CACNG8: variants seen among roughly 807,000 people sequenced by gnomAD.
CACNG8 encodes calcium voltage-gated channel auxiliary subunit gamma 8, also known as voltage-dependent calcium channel gamma-8 subunit.
A neutral mutation model predicts 26.9 loss-of-function variants in CACNG8; 5 were observed. That is an observed-to-expected ratio of 0.19 (90% confidence interval 0.10 to 0.39). The LOEUF (loss-of-function observed/expected upper bound fraction) is 0.39, where lower values mean the gene tolerates loss of function less well. Among genes scored for constraint, CACNG8 ranks in the 10% least tolerant of loss-of-function variants. The pLI, the probability that CACNG8 is intolerant of heterozygous loss-of-function variation, is 1.00. For synonymous variants in CACNG8, 321 were observed against 296.7 expected, an observed-to-expected ratio of 1.08 and a Z score of -0.84; for missense variants, 473 against 609.4, an observed-to-expected ratio of 0.78 and a Z score of 2.36.
At position 53,982,557 on chromosome 19, in the gene CACNG8, GCGGCGGCGCCGTGGGGGCGTT is replaced by G. The variant is rs1318710963; in HGVS notation, c.996_1016del (p.Val333_Ala339del). 2 of 1,175,344 alleles carry G rather than the reference GCGGCGGCGCCGTGGGGGCGTT, an allele frequency of 1.7e-6. No homozygotes were observed. The highest frequency in any genetic ancestry group is 2.1e-6 in the Non-Finnish European group (2 of 952,926). 72.8% of individuals were successfully genotyped at this position (1,175,344 alleles called of 1,614,324 possible). A position where few individuals can be genotyped will look rare whatever the true frequency, so the allele number is the denominator to read the frequency against. On this transcript the variant is annotated inframe_deletion, in exon 4 of 4. Coordinates refer to ENST00000270458, the MANE Select transcript of CACNG8 (RefSeq NM_031895.6). The surrounding 1 kb of genome is among the most constrained non-coding windows in gnomAD (Gnocchi z 8.4). ...GGGCTGGCGGGGGCCGGCGGCGGCG[GCGGCGGCGCCGTGGGGGCGTT>G]CGGCGGCGCGGCCGGGGGCGCCGGG...
chr19:53,977,056 G>A (rs1237699045), intron 1 of CACNG8, among the ~76,000 whole-genome samples: 1 of 152,208 alleles, frequency 6.6e-6, no homozygotes, highest in Admixed American at 6.5e-5. Flanking sequence ...GGACTCCCAT[G>A]CCCTACCCCC....
At chr19:53,976,140 T>G (rs1377051578) in intron 1 of CACNG8, among the ~76,000 whole-genome samples, 1 of 150,872 alleles carries the variant, frequency 6.6e-6, no homozygotes, top group Non-Finnish European at 1.5e-5. Flanking sequence ...AAGTCAGGAG[T>G]TCAAGACCAG....
intron 1 of CACNG8, among the ~76,000 whole-genome samples, chr19:53,969,638 G>A (rs1241723238): frequency 1.3e-5 from 2 of 152,028 alleles, no homozygotes; most frequent in Non-Finnish European, 2.9e-5. Context: ...TCAGCCCATC[G>A]GGGCTCCAGG....
At position 53,984,080 on chromosome 19, in the gene CACNG8, A is replaced by G. The variant is rs538080383; in HGVS notation, c.*1231A>G. 1.3e-5 allele frequency: 2 copies of G among 152,318 alleles called. No homozygotes were observed. Among genetic ancestry groups the G allele is most frequent in the South Asian group, 4.2e-4 (2 of 4,812 alleles). 9.4% of individuals were successfully genotyped at this position (152,318 alleles called of 1,614,324 possible). ...ATGGGCACGGGCCCTTGGAGCTCAC[A>G]CTCTTGTGGGAGGAAGCACGTAATT... On this transcript the variant is annotated 3_prime_UTR_variant, in exon 4 of 4. Coordinates refer to ENST00000270458, the MANE Select transcript of CACNG8 (RefSeq NM_031895.6).
chr19:53,982,747 G>C lies in CACNG8; in HGVS notation c.1176G>C (p.Ala392=). The C allele has an allele frequency of 1.7e-6, 2 of 1,200,576 alleles. No homozygotes were observed. Among genetic ancestry groups the C allele is most frequent in the Non-Finnish European group, 2.1e-6 (2 of 972,864 alleles). The allele number at this position is 1,200,576 out of a possible 1,614,324, so 74.4% of individuals were successfully genotyped here. A position where few individuals can be genotyped will look rare whatever the true frequency, so the allele number is the denominator to read the frequency against. ...TCACCGGGCCGCCCGCCCCGCCCGC[G>C]CCCGCGCCACCCGCGCCCTCTGCGC... The change falls in exon 4 of 4, where the codon GCG becomes GCC. Residue 392 remains alanine, a synonymous_variant. Coordinates refer to ENST00000270458, the MANE Select transcript of CACNG8 (RefSeq NM_031895.6). This position sits in a 1 kb window ranked among gnomAD's most constrained non-coding sequence, Gnocchi z 8.4.
In CACNG8 at chr19:53,982,496, C is replaced by T. The variant is rs1267759879; in HGVS notation, c.925C>T (p.Leu309Phe). 6.7e-7 allele frequency: 1 copy of T among 1,492,146 alleles called. No homozygotes were observed. Among genetic ancestry groups the T allele is most frequent in the African/African-American group, 1.5e-5 (1 of 68,376 alleles). The allele number at this position is 1,492,146 out of a possible 1,614,324, so 92.4% of individuals were successfully genotyped here. Reference sequence around the variant, plus strand: ...CTCCACGGACATCTCCATGTACACGCTCAGCCGCGACCCCTCCAAGGGCAG... The same window carrying T: ...CTCCACGGACATCTCCATGTACACGTTCAGCCGCGACCCCTCCAAGGGCAG... The change falls in exon 4 of 4, where the codon CTC becomes TTC. Residue 309 changes from leucine (L) to phenylalanine (F), a missense_variant. By Grantham distance (22) the Leu-to-Phe change is conservative (BLOSUM62 0). Around this residue, in one of 6 missense-constraint regions of CACNG8, gnomAD observed 212 missense variants for 214.4 expected, o/e 0.99. Transcript: ENST00000270458. The surrounding 1 kb of genome is among the most constrained non-coding windows in gnomAD (Gnocchi z 8.4).
intron 1 of CACNG8, among the ~76,000 whole-genome samples, chr19:53,968,768 C>CAAAAAAAAA (rs34461203): frequency 2.0e-5 from 1 of 50,324 alleles, no homozygotes; most frequent in African/African-American, 9.5e-5. Context: ...GACTCTATCT[C>CAAAAAAAAA]AAAAAAAAAA....
At position 53,982,938 on chromosome 19, in the gene CACNG8, T is replaced by C. The variant is rs1379562016; in HGVS notation, c.*89T>C. The stretch of plus-strand genomic sequence containing the variant: ...CTGCCGGGGTCGGGGGCGCCCCCGC[T>C]TTCCCCCGTGAGCGCGCTGGAGACT... On this transcript the variant is annotated 3_prime_UTR_variant, in exon 4 of 4. Transcript: ENST00000270458. This position sits in a 1 kb window ranked among gnomAD's most constrained non-coding sequence, Gnocchi z 8.4. 7.8e-6 allele frequency: 7 copies of C among 900,974 alleles called. No individual in the cohort carries two copies. The highest frequency in any genetic ancestry group is 4.8e-5 in the South Asian group (1 of 20,932). The allele number at this position is 900,974 out of a possible 1,614,324, so 55.8% of individuals were successfully genotyped here.
At chr19:53,970,962 GA>G (rs1178452897) in intron 1 of CACNG8, among the ~76,000 whole-genome samples, 3 of 147,448 alleles carry the variant, frequency 2.0e-5, no homozygotes, top group African/African-American at 7.5e-5. Context: ...GAAAAGAAAA[GA>G]AAAAAAGAAA....
At chr19:53,964,517 G>A (rs1431406097) in intron 1 of CACNG8, among the ~76,000 whole-genome samples, 3 of 151,708 alleles carry the variant, frequency 2.0e-5, no homozygotes, top group Admixed American at 6.6e-5. Context: ...CTCCTTCGAC[G>A]TCTTCCTGAC....
At chr19:53,963,488 C>T in intron 1 of CACNG8, 63 bp downstream of exon 1, 8 of 1,388,690 alleles carry the variant, frequency 5.8e-6, no homozygotes, top group Non-Finnish European at 7.5e-6. Context: ...CCTGAGCCTC[C>T]CGGGGCTGCC....
chr19:53,988,551 G>A lies in CACNG8; in HGVS notation c.*5702G>A, dbSNP rs912558188. 6.7e-6 allele frequency: 1 copy of A among 149,982 alleles called. No homozygotes were observed. The highest frequency in any genetic ancestry group is 2.1e-4 in the South Asian group (1 of 4,746). The allele number at this position is 149,982 out of a possible 1,614,324, so 9.3% of individuals were successfully genotyped here. A position where few individuals can be genotyped will look rare whatever the true frequency, so the allele number is the denominator to read the frequency against. On this transcript the variant is annotated 3_prime_UTR_variant, in exon 4 of 4. Coordinates refer to ENST00000270458, the MANE Select transcript of CACNG8 (RefSeq NM_031895.6). ...GGAGGCAGAGGTTGCAGTGAGCCAA[G>A]ATCACACCACTGCACTCTAGCCTGG...
chr19:53,974,074 T>C (rs1011152207), intron 1 of CACNG8, among the ~76,000 whole-genome samples: 4 of 152,130 alleles, frequency 2.6e-5, no homozygotes, highest in African/African-American at 9.7e-5. Flanking sequence ...TCTTTTCGTC[T>C]TGCAAAATGG....
In CACNG8 at chr19:53,971,921, C is replaced by A. The variant is rs188771194; in HGVS notation, c.284-6225C>A. Among the ~76,000 whole-genome samples, 32 of 151,768 alleles carry A rather than the reference C, an allele frequency of 2.1e-4. No individual in the cohort carries two copies. The East Asian group carries it at 5.6e-3, about 27-fold the overall frequency. On this transcript the variant is annotated intron_variant, in intron 1 of 3. Transcript: ENST00000270458. ...AGACTCAGGGCCATGACATCACCATCCATGCACAAGAAAAACTCATAGCTT... is the reference window on the plus strand; with the variant it reads ...AGACTCAGGGCCATGACATCACCATACATGCACAAGAAAAACTCATAGCTT...
chr19:53,970,941 AAAAAAG>A (rs1206668576), intron 1 of CACNG8, among the ~76,000 whole-genome samples: 9 of 150,878 alleles, frequency 6.0e-5, no homozygotes, highest in African/African-American at 1.5e-4. Context: ...CAAAAAAAAA[AAAAAAG>A]AAAAGAAAAG....
At chr19:53,975,856 C>T (rs1386206176) in intron 1 of CACNG8, among the ~76,000 whole-genome samples, 2 of 152,250 alleles carry the variant, frequency 1.3e-5, no homozygotes, top group Middle Eastern at 6.8e-3. Flanking sequence ...TCTCAGTTTC[C>T]ACGTTTGGGT....
At chr19:53,980,055 C>T in intron 3 of CACNG8, 48 bp downstream of exon 3, 1 of 1,534,078 alleles carries the variant, frequency 6.5e-7, no homozygotes, top group Non-Finnish European at 8.8e-7. Context: ...CCTGGGCGCG[C>T]ACGTGTGTGT....
chr19:53,965,536 C>T (rs1043309124), intron 1 of CACNG8, among the ~76,000 whole-genome samples: 10 of 151,896 alleles, frequency 6.6e-5, no homozygotes, highest in East Asian at 1.9e-4. Context: ...TAGGACAGCA[C>T]GTGGCATCTA....
intron 1 of CACNG8, among the ~76,000 whole-genome samples, chr19:53,967,134 C>T (rs1194367774): frequency 2.0e-5 from 3 of 152,072 alleles, no homozygotes; most frequent in Admixed American, 2.0e-4. Flanking sequence ...CCTTCCCAGT[C>T]GTGACAACCA....
Sources: allele counts gnomAD v4.1 joint callset (sites outside exome capture counted in the v4.1 genomes callset), GRCh38; gene constraint gnomAD v4.1.1; regional missense constraint gnomAD v4.1.1; non-coding constraint Gnocchi (gnomAD v3.1); transcripts MANE v1.5; gene names NCBI Gene and HGNC (gene_info 2026-07-23, HGNC 2026-07-21).